The following KCTD18 variants were observed in gnomAD, a reference collection of about 807,000 sequenced individuals.
KCTD18 encodes the protein BTB/POZ domain-containing protein KCTD18.
KCTD18 carries 22 observed loss-of-function variants against 30.4 expected under a neutral mutation model. That is an observed-to-expected ratio of 0.72 (90% CI 0.52 to 1.03). The LOEUF is 1.03. KCTD18 is among the 50% of genes least tolerant of loss of function. The probability of loss-of-function intolerance (pLI) is 0.00; values close to 1 mark genes in which losing one functional copy is unlikely to be tolerated. For missense variants in KCTD18, 529 were observed against 547.6 expected (o/e 0.97, Z 0.34); for synonymous variants, 186 against 209.0 (o/e 0.89, Z 0.95).
At chr2:200,494,750 T>C (rs923258704) in intron 5 of KCTD18, among the ~76,000 whole-genome samples, 3 of 152,234 alleles carry the variant, frequency 2.0e-5, no homozygotes, top group Non-Finnish European at 4.4e-5. Flanking sequence ...CACATTTCAA[T>C]GAGTTTTGAC....
chr2:200,508,037 A>T (rs1368033281), intron 1 of KCTD18, among the ~76,000 whole-genome samples: 1 of 152,060 alleles, frequency 6.6e-6, no homozygotes, highest in Non-Finnish European at 1.5e-5. Flanking sequence ...AACACCTCCA[A>T]ATCATCCAGC....
intron 4 of KCTD18, 102 bp from the exon 5 acceptor site, chr2:200,497,949 G>A: frequency 3.8e-6 from 3 of 797,378 alleles, no homozygotes; most frequent in Non-Finnish European, 6.3e-6. Context: ...TTAATTAAGG[G>A]AAAAAACATG....
intron 5 of KCTD18, among the ~76,000 whole-genome samples, chr2:200,494,738 T>C (rs923241441): frequency 2.6e-5 from 4 of 152,198 alleles, no homozygotes; most frequent in Non-Finnish European, 5.9e-5. Flanking sequence ...CCTTTTCAGG[T>C]ACACATTTCA....
At chr2:200,498,822 T>C in intron 4 of KCTD18, 69 bp downstream of exon 4, 2 of 1,392,340 alleles carry the variant, frequency 1.4e-6, no homozygotes, top group South Asian at 1.2e-5. Flanking sequence ...GCACATTTCA[T>C]TCAGAAACAC....
At chr2:200,491,193 C>G (rs1236381576) in intron 6 of KCTD18, among the ~76,000 whole-genome samples, 1 of 152,130 alleles carries the variant, frequency 6.6e-6, no homozygotes, top group African/African-American at 2.4e-5. Flanking sequence ...AGTTCTCACT[C>G]TATTCGTTCA....
intron 3 of KCTD18, 66 bp from the exon 4 acceptor site, chr2:200,499,150 C>G: frequency 9.1e-7 from 1 of 1,102,618 alleles, no homozygotes; most frequent in Non-Finnish European, 1.3e-6. Context: ...GAATATGCTC[C>G]ATTACTTTCA....
At position 200,506,955 on chromosome 2, in the gene KCTD18, C is replaced by T. The variant is rs757315067; in HGVS notation, c.62G>A (p.Cys21Tyr). 2.4e-5 allele frequency: 39 copies of T among 1,613,826 alleles called. 1 individual carries two copies. In the South Asian group the frequency reaches 3.8e-4, roughly 16 times the overall value. Residue 21 changes from cysteine to tyrosine, a missense_variant, in exon 2 of 7, where the codon TGT becomes TAT. Cys to Tyr is a radical substitution (Grantham distance 194). Transcript: ENST00000359878. ...LDVLRLNVGGCIYTARRESLC... is the reference protein window; with the variant it reads ...LDVLRLNVGGYIYTARRESLC... Reference sequence around the variant, plus strand: ...GGACTCCCGCCGGGCTGTGTAAATACAGCCACCCACGTTCAGTCGGAGAAC... The same window carrying T: ...GGACTCCCGCCGGGCTGTGTAAATATAGCCACCCACGTTCAGTCGGAGAAC...
In KCTD18 at chr2:200,509,879, G is replaced by A. The variant is rs932016544; in HGVS notation, c.-327C>T. On this transcript the variant is annotated 5_prime_UTR_variant, in exon 1 of 7. Coordinates refer to ENST00000359878, the MANE Select transcript of KCTD18 (RefSeq NM_152387.4). ...CCCGAAGCCCGAGCCTGCAGCCCGGGGCGCGCGCGTTACCAGCGCGGCCCG... is the reference window on the plus strand; with the variant it reads ...CCCGAAGCCCGAGCCTGCAGCCCGGAGCGCGCGCGTTACCAGCGCGGCCCG... 4.6e-5 allele frequency: 7 copies of A among 152,030 alleles called. No homozygotes were observed. Among genetic ancestry groups the A allele is most frequent in the African/African-American group, 1.7e-4 (7 of 41,410 alleles). The allele number at this position is 152,030 out of a possible 1,614,324, so 9.4% of individuals were successfully genotyped here. A position where few individuals can be genotyped will look rare whatever the true frequency, so the allele number is the denominator to read the frequency against.
chr2:200,504,458 C>CAAAA (rs761524442), intron 3 of KCTD18, among the ~76,000 whole-genome samples: 4 of 59,238 alleles, frequency 6.8e-5, no homozygotes, highest in African/African-American at 1.1e-4. Context: ...GACTCTGCCT[C>CAAAA]AAAAAAAAAA....
intron 4 of KCTD18, 109 bp downstream of exon 4, chr2:200,498,782 T>A: frequency 1.1e-6 from 1 of 901,288 alleles, no homozygotes; most frequent in Non-Finnish European, 1.8e-6. Context: ...CTGTGTCTCC[T>A]GAGAGGTGTT....
intron 3 of KCTD18, among the ~76,000 whole-genome samples, chr2:200,499,824 C>A (rs1024799922): frequency 1.3e-5 from 2 of 149,076 alleles, no homozygotes; most frequent in African/African-American, 4.9e-5. Context: ...GAGACACAAC[C>A]AAAAAAGAGA....
intron 1 of KCTD18, among the ~76,000 whole-genome samples, chr2:200,507,768 TA>T (rs2030274849): frequency 6.6e-6 from 1 of 152,228 alleles, no homozygotes; most frequent in South Asian, 2.1e-4. Context: ...CAATGATAAC[TA>T]TAATTCTTAA....
chr2:200,507,026 A>C lies in KCTD18; in HGVS notation c.-10T>G. The C allele has an allele frequency of 6.3e-7, 1 of 1,594,364 alleles. No homozygotes were observed. Among genetic ancestry groups the C allele is most frequent in the Non-Finnish European group, 8.6e-7 (1 of 1,167,384 alleles). On this transcript the variant is annotated 5_prime_UTR_variant, in exon 2 of 7. Coordinates refer to ENST00000359878, the MANE Select transcript of KCTD18 (RefSeq NM_152387.4). ...CCTTGTGGCCTTCCATTTCTCCCCC[A>C]GGCACCTGAATTTTTGCCGCCCAAC... is the stretch of plus-strand genomic sequence containing the variant.
chr2:200,497,264 A>T (rs571914112), intron 5 of KCTD18: 1 of 158,516 alleles, frequency 6.3e-6, no homozygotes, highest in East Asian at 1.9e-4. Flanking sequence ...AGAGATACTG[A>T]ATGTAAACTA....
intron 1 of KCTD18, among the ~76,000 whole-genome samples, chr2:200,508,093 T>G (rs991503771): frequency 7.9e-5 from 12 of 151,772 alleles, no homozygotes; most frequent in African/African-American, 1.5e-4. Flanking sequence ...TTTTGGGGGG[T>G]TTTTGTTTGT....
rs150961349 is a variant in KCTD18 at position 200,509,963 on chromosome 2, TC to T, written c.-412del. 0.068 allele frequency: 10,274 copies of T among 150,402 alleles called. 508 individuals carry two copies. The highest frequency in any genetic ancestry group is 0.096 in the Admixed American group (1,459 of 15,194). 9.3% of individuals were successfully genotyped at this position (150,402 alleles called of 1,614,324 possible). ...GCCCGCGGCCCATCCCGCGCCCGGC[TC>T]TTCCGCACCGGGGGGGTGGGGCGGG... On this transcript the variant is annotated 5_prime_UTR_variant, in exon 1 of 7. Coordinates refer to ENST00000359878, the MANE Select transcript of KCTD18 (RefSeq NM_152387.4).
chr2:200,494,533 A>C (rs1211829584), intron 5 of KCTD18, among the ~76,000 whole-genome samples: 1 of 152,208 alleles, frequency 6.6e-6, no homozygotes, highest in Non-Finnish European at 1.5e-5. Flanking sequence ...CATATAAATC[A>C]TTATAATGAT....
rs1207580080 is a variant in KCTD18, at chr2:200,498,934, T to A, written c.523A>T (p.Lys175Ter). The A allele has an allele frequency of 6.2e-7, 1 of 1,614,056 alleles. No individual in the cohort carries two copies. The highest frequency in any genetic ancestry group is 1.1e-5 in the South Asian group (1 of 91,044). Reference protein sequence around the residue: ...TKTDGTDAIEKQLGGRIHSKG... With the variant: ...TKTDGTDAIE ...CTGTGAATTCTTCCTCCCAGCTGCTTTTCAATAGCGTCTGTTCCATCAGTT... is the reference window on the plus strand; with the variant it reads ...CTGTGAATTCTTCCTCCCAGCTGCTATTCAATAGCGTCTGTTCCATCAGTT... Residue 175 changes from lysine (K) to a stop codon, truncating the protein, a stop_gained, in exon 4 of 7, where the codon AAG (lysine) becomes TAG (stop). Transcript: ENST00000359878. LOFTEE classifies it high-confidence loss of function.
rs146790839 is a variant in KCTD18 at position 200,493,185 on chromosome 2, G to A, written c.751C>T (p.Pro251Ser). ...PLLGSLRHMA[P>S]IRKRRLITFN... ...AGCATAGATAACCTCTTTCGAATTG[G>A]AGCCATGTGACGCAGGCTTCCAAGT... is the stretch of plus-strand genomic sequence containing the variant. The change falls in exon 6 of 7, where the codon CCA becomes TCA. Residue 251 changes from proline (P) to serine (S), a missense_variant. Coordinates refer to ENST00000359878, the MANE Select transcript of KCTD18 (RefSeq NM_152387.4). 87 of 1,607,050 alleles carry A rather than the reference G, an allele frequency of 5.4e-5. No individual in the cohort carries two copies. Among genetic ancestry groups the A allele is most frequent in the Non-Finnish European group, 7.1e-5 (83 of 1,173,796 alleles).
Sources: allele counts gnomAD v4.1 joint callset (sites outside exome capture counted in the v4.1 genomes callset), GRCh38; gene constraint gnomAD v4.1.1; transcripts MANE v1.5; gene names NCBI Gene and HGNC (gene_info 2026-07-23, HGNC 2026-07-21).